Variants in GSE1 observed in about 807,000 individuals in gnomAD.
GSE1 encodes the protein genetic suppressor element 1.
GSE1 carries 32 observed loss-of-function variants against 112.6 expected under a neutral mutation model. The ratio of observed to expected loss-of-function variants is 0.28; its 90% CI spans 0.21 to 0.38. The LOEUF (loss-of-function observed/expected upper bound fraction) is 0.38, where lower values mean the gene tolerates loss of function less well. Among genes scored for constraint, GSE1 ranks in the 10% least tolerant of loss-of-function variants. GSE1 has a pLI of 1.00. For synonymous variants in GSE1, 1,115 were observed against 735.6 expected (o/e 1.52, Z -8.35); for missense variants, 2,348 against 1,699.2 (o/e 1.38, Z -6.71).
At chr16:85,620,247 A>C (rs1036615318) in intron 1 of GSE1, among the ~76,000 whole-genome samples, 1 of 152,144 alleles carries the variant, frequency 6.6e-6, no homozygotes, top group Non-Finnish European at 1.5e-5. Context: ...CTGTGATCGC[A>C]CCACTGCACC....
chr16:85,650,698 C>T (rs1023096869), intron 3 of GSE1, among the ~76,000 whole-genome samples: 4 of 152,196 alleles, frequency 2.6e-5, no homozygotes, highest in Non-Finnish European at 5.9e-5. Context: ...GGGCCGGCAG[C>T]TGGATTAGCA....
intron 1 of GSE1, among the ~76,000 whole-genome samples, chr16:85,200,699 C>A (rs2075011760): frequency 6.6e-6 from 1 of 152,180 alleles, no homozygotes. Flanking sequence ...AGTTCAAGGG[C>A]TAGTAGGTCA....
At chr16:85,296,265 G>T (rs2045364194) in intron 1 of GSE1, among the ~76,000 whole-genome samples, 1 of 152,158 alleles carries the variant, frequency 6.6e-6, no homozygotes, top group Admixed American at 6.5e-5. Context: ...CATCATGTGT[G>T]AGCACGGACA....
At chr16:85,338,107 A>T (rs2046544024) in intron 1 of GSE1, among the ~76,000 whole-genome samples, 2 of 152,080 alleles carry the variant, frequency 1.3e-5, no homozygotes, top group Admixed American at 1.3e-4. Context: ...CTTGCTGACC[A>T]CCTGTCCTGT....
At chr16:85,240,927 T>A (rs1180344611) in intron 1 of GSE1, among the ~76,000 whole-genome samples, 3 of 152,076 alleles carry the variant, frequency 2.0e-5, no homozygotes, top group Admixed American at 2.0e-4. Flanking sequence ...AGAGATGTGT[T>A]CCCATCCTGC....
intron 2 of GSE1, among the ~76,000 whole-genome samples, chr16:85,365,113 T>C (rs1278507069): frequency 6.6e-6 from 1 of 152,176 alleles, no homozygotes; most frequent in Non-Finnish European, 1.5e-5. Context: ...GGGAAGCCCC[T>C]TACTTCTGGA....
At chr16:85,595,996 C>A (rs1358739942) in intron 1 of GSE1, among the ~76,000 whole-genome samples, 1 of 134,326 alleles carries the variant, frequency 7.4e-6, no homozygotes, top group Non-Finnish European at 1.6e-5. Context: ...ATTCCTCCAT[C>A]CGCCCACCCA....
intron 1 of GSE1, among the ~76,000 whole-genome samples, chr16:85,234,507 G>C (rs1216207148): frequency 2.0e-5 from 3 of 152,218 alleles, no homozygotes; most frequent in African/African-American, 7.2e-5. Context: ...TAGGTGGGGC[G>C]GGGTGGCTCT....
Position 85,661,540 on chromosome 16 carries a change from G to A in GSE1, c.2035G>A (p.Glu679Lys), listed in dbSNP as rs77405156. Reference sequence around the variant, plus strand: ...GCCCGGGCCCTTCCTGGCTGAGCTCGAGAAGTCCACCCAGACCATCCTGGG... The same window carrying A: ...GCCCGGGCCCTTCCTGGCTGAGCTCAAGAAGTCCACCCAGACCATCCTGGG... ...PGPGPFLAEL[E>K]KSTQTILGQQ... Residue 679 changes from glutamate to lysine, a missense_variant, in exon 9 of 16, where the codon GAG (glutamate) becomes AAG (lysine). Physicochemically the swap from Glu to Lys is moderately conservative, Grantham distance 56 (BLOSUM62 1). Coordinates refer to ENST00000253458, the MANE Select transcript of GSE1 (RefSeq NM_014615.5). The A allele has an allele frequency of 2.4e-5, 38 of 1,611,956 alleles. No individual in the cohort carries two copies. The highest frequency in any genetic ancestry group is 1.3e-4 in the South Asian group (12 of 91,014).
chr16:85,657,370 T>C lies in GSE1; in HGVS notation c.1406T>C (p.Ile469Thr). 2.5e-6 allele frequency: 4 copies of C among 1,612,460 alleles called. No individual in the cohort carries two copies. The highest frequency in any genetic ancestry group is 3.4e-6 in the Non-Finnish European group (4 of 1,179,828). Residue 469 changes from isoleucine (I) to threonine (T), a missense_variant, in exon 8 of 16, where the codon ATC (isoleucine) becomes ACC (threonine). Physicochemically the swap from Ile to Thr is moderately conservative, Grantham distance 89. Coordinates refer to ENST00000253458, the MANE Select transcript of GSE1 (RefSeq NM_014615.5). ...PTPHHTVPSL[I>T]SNHGIFSLPS... ...CCACACCACACGGTGCCCAGCCTCA[T>C]CTCCAACCATGGCATCTTCTCTCTG...
At chr16:85,393,154 A>G (rs1182955901) in intron 2 of GSE1, among the ~76,000 whole-genome samples, 1 of 152,218 alleles carries the variant, frequency 6.6e-6, no homozygotes, top group Non-Finnish European at 1.5e-5. Flanking sequence ...TTGTAATCCC[A>G]GCACTTTGGG....
intron 1 of GSE1, among the ~76,000 whole-genome samples, chr16:85,254,173 C>T (rs527506701): frequency 3.2e-4 from 48 of 152,306 alleles, no homozygotes; most frequent in African/African-American, 1.1e-3. Context: ...GGTTTCTACC[C>T]TGGTGTACTC....
chr16:85,624,934 T>C (rs536170347), intron 1 of GSE1, among the ~76,000 whole-genome samples: 5 of 152,128 alleles, frequency 3.3e-5, no homozygotes, highest in Non-Finnish European at 7.3e-5. Context: ...ACTTTGCTGT[T>C]CGCAGCTTTG....
intron 2 of GSE1, among the ~76,000 whole-genome samples, chr16:85,360,796 C>T (rs900749): frequency 0.34 from 51,588 of 151,706 alleles, 9,490 homozygotes; most frequent in East Asian, 0.57. Flanking sequence ...CACACACATA[C>T]GCAGACACAT....
chr16:85,344,788 A>C (rs770363089), intron 1 of GSE1, among the ~76,000 whole-genome samples: 14 of 152,230 alleles, frequency 9.2e-5, no homozygotes, highest in East Asian at 1.9e-4. Flanking sequence ...CAGCCCCAGC[A>C]GGATGCAGCT....
chr16:85,227,901 C>T (rs1471698587), intron 1 of GSE1, among the ~76,000 whole-genome samples: 2 of 152,226 alleles, frequency 1.3e-5, no homozygotes, highest in East Asian at 3.8e-4. Flanking sequence ...GGGGCTCACA[C>T]TTGAGTCAAG....
intron 1 of GSE1, among the ~76,000 whole-genome samples, chr16:85,177,789 C>G (rs766843975): frequency 6.6e-6 from 1 of 152,114 alleles, no homozygotes; most frequent in Non-Finnish European, 1.5e-5. Context: ...GGGGTTCTGT[C>G]CCTTGGAGGA....
upstream of GSE1, among the ~76,000 whole-genome samples, chr16:85,608,566 G>C (rs1384882403): frequency 6.6e-6 from 1 of 152,178 alleles, no homozygotes; most frequent in Non-Finnish European, 1.5e-5. Context: ...TAATCAGAGT[G>C]ACCATGGCAG....
intron 1 of GSE1, among the ~76,000 whole-genome samples, chr16:85,280,382 A>G (rs2044821975): frequency 6.6e-6 from 1 of 152,098 alleles, no homozygotes; most frequent in Non-Finnish European, 1.5e-5. Context: ...CCACTGGGTC[A>G]TATGGTCTAT....
Sources: gnomAD v4.1 joint callset for allele counts (sites outside exome capture counted in the v4.1 genomes callset) on GRCh38, gnomAD v4.1.1 for gene constraint, MANE v1.5 for transcripts, NCBI Gene and HGNC (gene_info 2026-07-23, HGNC 2026-07-21) for gene names.